The following SAXO5 variants were observed in gnomAD, a reference collection of about 807,000 sequenced individuals.
SAXO5 encodes the protein testis expressed 45.
the SAXO5 span, chr19:7,505,916 G>A: frequency 8.6e-6 from 13 of 1,511,096 alleles, no homozygotes; most frequent in African/African-American, 7.0e-5. Context: ...CCCCGGGCCC[G>A]GGGACCTCTC....
the SAXO5 span, among the ~76,000 whole-genome samples, chr19:7,502,092 AT>A: frequency 5.8e-4 from 87 of 150,304 alleles, no homozygotes; most frequent in African/African-American, 2.0e-3. Context: ...AAATTTTATT[AT>A]TTTTTTATTA....
the SAXO5 span, among the ~76,000 whole-genome samples, chr19:7,499,446 G>A: frequency 2.0e-5 from 3 of 152,122 alleles, no homozygotes; most frequent in African/African-American, 7.2e-5. Flanking sequence ...TGGCTGGGGT[G>A]CAGGGCTGGA....
chr19:7,504,733 G>T, the SAXO5 span, among the ~76,000 whole-genome samples: 13 of 151,964 alleles, frequency 8.6e-5, no homozygotes, highest in Non-Finnish European at 1.8e-4. Flanking sequence ...GGGGGACGAG[G>T]GGGCACTGCC....
the SAXO5 span, chr19:7,501,326 G>A: frequency 4.5e-6 from 7 of 1,570,028 alleles, no homozygotes; most frequent in African/African-American, 4.2e-5. Context: ...TGCGCATCCC[G>A]CCCACCACGC....
At chr19:7,500,812 G>A in the SAXO5 span, 1 of 1,455,444 alleles carries the variant, frequency 6.9e-7, no homozygotes. Context: ...GCAGGTGGCT[G>A]GTGTCCCGCG....
the SAXO5 span, chr19:7,500,747 G>A: frequency 7.5e-7 from 1 of 1,325,980 alleles, no homozygotes; most frequent in Non-Finnish European, 9.8e-7. Flanking sequence ...AAAAGCAGGA[G>A]TCAAAGGCAA....
the SAXO5 span, chr19:7,505,838 T>G: frequency 9.6e-7 from 1 of 1,041,068 alleles, no homozygotes; most frequent in Non-Finnish European, 1.4e-6. Context: ...CTCCCAGTGC[T>G]ACCAGGTGGG....
the SAXO5 span, chr19:7,506,369 C>T: frequency 0.014 from 9,273 of 652,358 alleles, 392 homozygotes; most frequent in African/African-American, 0.12. Flanking sequence ...GCTTCATCCC[C>T]TGAAAGGCTA....
the SAXO5 span, among the ~76,000 whole-genome samples, chr19:7,507,629 G>T: frequency 6.6e-6 from 1 of 151,710 alleles, no homozygotes; most frequent in Non-Finnish European, 1.5e-5. Context: ...ACCCCCCAGG[G>T]TCATGTCAAG....
chr19:7,505,907 C>A, the SAXO5 span: 32 of 1,505,636 alleles, frequency 2.1e-5, no homozygotes, highest in Non-Finnish European at 1.8e-5. Context: ...CTCCCTCCCC[C>A]CCGGGCCCGG....
the SAXO5 span, chr19:7,504,507 A>C: frequency 2.1e-6 from 2 of 941,594 alleles, no homozygotes; most frequent in Non-Finnish European, 3.3e-6. Context: ...GGAGCTCGAG[A>C]CCAGCCTGGC....
chr19:7,507,903 GC>G, the SAXO5 span, among the ~76,000 whole-genome samples: 1 of 152,112 alleles, frequency 6.6e-6, no homozygotes, highest in African/African-American at 2.4e-5. Context: ...CTTCTGAAGG[GC>G]TAAATCCCAC....
the SAXO5 span, chr19:7,508,399 C>T: frequency 3.7e-6 from 6 of 1,612,498 alleles, no homozygotes; most frequent in Admixed American, 1.7e-5. Flanking sequence ...GTCCCCCAGC[C>T]CCCTATGTAC....
the SAXO5 span, chr19:7,505,392 G>A: frequency 3.1e-6 from 5 of 1,614,192 alleles, no homozygotes; most frequent in East Asian, 2.2e-5. Flanking sequence ...GGCCTCTTCC[G>A]CGACAGGACC....
the SAXO5 span, chr19:7,506,390 C>G: frequency 4.9e-6 from 3 of 613,346 alleles, no homozygotes; most frequent in Admixed American, 2.5e-5. Context: ...AATCCCACCC[C>G]CAATTGACCA....
chr19:7,506,321 G>C, the SAXO5 span: 1 of 684,546 alleles, frequency 1.5e-6, no homozygotes, highest in Non-Finnish European at 2.6e-6. Context: ...CCTTGCCACT[G>C]CTCTGGCCCC....
chr19:7,508,245 C>T, the SAXO5 span: 9 of 1,614,006 alleles, frequency 5.6e-6, no homozygotes, highest in South Asian at 2.2e-5. Flanking sequence ...GGGTGGACTG[C>T]GCTTCTTCTC....
chr19:7,506,732 G>C, the SAXO5 span: 1 of 372,680 alleles, frequency 2.7e-6, no homozygotes. Context: ...CTTTGTCCCA[G>C]CTCCTCCCTC....
chr19:7,502,109 A>T, the SAXO5 span, among the ~76,000 whole-genome samples: 1 of 151,872 alleles, frequency 6.6e-6, no homozygotes, highest in Non-Finnish European at 1.5e-5. Context: ...TATTATATAT[A>T]TATGTGTATA....
Sources: allele counts gnomAD v4.1 joint callset (sites outside exome capture counted in the v4.1 genomes callset), GRCh38; gene constraint gnomAD v4.1.1; transcripts MANE v1.5; gene names NCBI Gene and HGNC (gene_info 2026-07-23, HGNC 2026-07-21).